The following USP1 variants were observed in gnomAD, a reference collection of about 807,000 sequenced individuals.
The protein encoded by USP1 is ubiquitin specific peptidase 1, also known as ubiquitin carboxyl-terminal hydrolase 1.
Under a neutral mutation model 72.2 loss-of-function variants are expected in USP1, and 18 were observed. The ratio of observed to expected loss-of-function variants is 0.25; its 90% CI spans 0.17 to 0.37. The LOEUF is 0.37. USP1 is among the 10% of genes least tolerant of loss of function. The pLI is 1.00. For missense variants in USP1, 759 were observed against 884.9 expected (o/e 0.86, Z 1.81); for synonymous variants, 354 against 303.7 (o/e 1.17, Z -1.72).
chr1:62,450,073 A>G (rs1645203238), intron 8 of USP1, among the ~76,000 whole-genome samples, 173 bp from the exon 9 acceptor site: 2 of 152,168 alleles, frequency 1.3e-5, no homozygotes, highest in Non-Finnish European at 2.9e-5. Context: ...TTGTTTCTGC[A>G]TATATTATAA....
At chr1:62,447,606 G>T in intron 7 of USP1, 95 bp downstream of exon 7, 1 of 1,373,434 alleles carries the variant, frequency 7.3e-7, no homozygotes. Context: ...ATTAGGGAGG[G>T]GAAAAAAGCT....
chr1:62,443,119 G>C (rs1255533102), intron 4 of USP1, 40 bp from the exon 5 acceptor site: 3 of 1,584,408 alleles, frequency 1.9e-6, no homozygotes, highest in African/African-American at 2.7e-5. Context: ...TACTTAATTT[G>C]TTCATAAAAT....
At chr1:62,442,419 G>A (rs777721990) in intron 4 of USP1, 120 bp downstream of exon 4, 20 of 701,464 alleles carry the variant, frequency 2.9e-5, no homozygotes, top group Non-Finnish European at 4.1e-5. Context: ...CTCTGTTAGC[G>A]AGCTATTGTC....
At chr1:62,439,391 G>A (rs1467968396) in intron 1 of USP1, among the ~76,000 whole-genome samples, 2 of 152,146 alleles carry the variant, frequency 1.3e-5, no homozygotes, top group Non-Finnish European at 2.9e-5. Flanking sequence ...CACCATGTTG[G>A]TCAGGCTGGT....
chr1:62,448,137 T>G (rs151013338), intron 7 of USP1, among the ~76,000 whole-genome samples: 182 of 152,284 alleles, frequency 1.2e-3, no homozygotes, highest in African/African-American at 4.0e-3. Context: ...GTCTAGAGCA[T>G]ACCACAAAAT....
chr1:62,438,882 A>G (rs939826538), intron 1 of USP1, among the ~76,000 whole-genome samples: 1 of 152,246 alleles, frequency 6.6e-6, no homozygotes. Context: ...GGATTTACAC[A>G]AAGTGCATCG....
At chr1:62,445,485 A>G (rs985643159) in intron 6 of USP1, 56 bp downstream of exon 6, 14 of 1,418,588 alleles carry the variant, frequency 9.9e-6, no homozygotes, top group Non-Finnish European at 1.3e-5. Flanking sequence ...ACAGAATTAG[A>G]ATTTTCTCTT....
At chr1:62,440,108 A>T (rs1645122122) in intron 2 of USP1, 71 bp downstream of exon 2, 1 of 1,313,704 alleles carries the variant, frequency 7.6e-7, no homozygotes, top group Admixed American at 2.9e-5. Context: ...TGACAACTCC[A>T]GTCTGACTTG....
intron 1 of USP1, among the ~76,000 whole-genome samples, 175 bp downstream of exon 1, chr1:62,437,575 C>T (rs958440055): frequency 2.0e-5 from 3 of 151,960 alleles, no homozygotes; most frequent in Non-Finnish European, 2.9e-5. Flanking sequence ...GCCGCCGGGA[C>T]GCGAGAAGGC....
At position 62,441,615 on chromosome 1, in the gene USP1, T is replaced by G; in HGVS notation, c.291+7T>G. On this transcript the variant is annotated splice_region_variant and intron_variant, in intron 3 of 8. Coordinates refer to ENST00000339950, the MANE Select transcript of USP1 (RefSeq NM_003368.5). The stretch of plus-strand genomic sequence containing the variant: ...TCTTAATAGTATACTTCAGGTAAAT[T>G]GACAATTTTGCTATATCATAAAGCT... The G allele has an allele frequency of 6.2e-7, 1 of 1,602,312 alleles. No homozygotes were observed. Among genetic ancestry groups the G allele is most frequent in the Non-Finnish European group, 8.5e-7 (1 of 1,176,652 alleles).
chr1:62,450,869 T>G lies in USP1; in HGVS notation c.2246T>G (p.Leu749Arg). The G allele has an allele frequency of 6.2e-7, 1 of 1,614,086 alleles. No individual in the cohort carries two copies. Among genetic ancestry groups the G allele is most frequent in the Non-Finnish European group, 8.5e-7 (1 of 1,179,984 alleles). The change falls in exon 9 of 9, where the codon CTT (leucine) becomes CGT (arginine). Residue 749 changes from leucine to arginine, a missense_variant. By Grantham distance (102) the Leu-to-Arg change is moderately radical. This residue lies in a region of USP1 where 7 missense variants were observed against 24.0 expected (regional missense o/e 0.29). Coordinates refer to ENST00000339950, the MANE Select transcript of USP1 (RefSeq NM_003368.5). ...SLKEYEGKWL[L>R]FDDSEVKVTE... is the part of the protein sequence containing the mutation. Reference sequence around the variant, plus strand: ...AAGGAGTATGAGGGGAAGTGGTTGCTTTTTGATGATTCTGAAGTCAAAGTT... The same window carrying G: ...AAGGAGTATGAGGGGAAGTGGTTGCGTTTTGATGATTCTGAAGTCAAAGTT...
In USP1 at chr1:62,447,000, G is replaced by A. The variant is rs181966185; in HGVS notation, c.1250-341G>A. On this transcript the variant is annotated intron_variant, in intron 6 of 8. Transcript: ENST00000339950. Reference sequence around the variant, plus strand: ...CGGCTAATTTTGTATTTTTACTGGAGACAGGGTTTCTCCATGTTGGTCAGG... The same window carrying A: ...CGGCTAATTTTGTATTTTTACTGGAAACAGGGTTTCTCCATGTTGGTCAGG... 3.3e-4 allele frequency among the ~76,000 whole-genome samples: 50 copies of A among 152,114 alleles called. 1 individual carries two copies. The highest frequency in any genetic ancestry group is 1.1e-3 in the African/African-American group (44 of 41,496).
Position 62,450,584 on chromosome 1 carries a change from C to G in USP1, c.1961C>G (p.Pro654Arg), listed in dbSNP as rs1289315638. ...VSIRVGGNTQ[P>R]SKVLNKKNVE... ...ATTAGAGTTGGTGGAAATACACAGCCAAGTAAAGTTTTGAACAAAAAAAAT... is the reference window on the plus strand; with the variant it reads ...ATTAGAGTTGGTGGAAATACACAGCGAAGTAAAGTTTTGAACAAAAAAAAT... Residue 654 changes from proline (P) to arginine (R), a missense_variant, in exon 9 of 9, where the codon CCA becomes CGA. Around this residue, in one of 9 missense-constraint regions of USP1, gnomAD observed 159 missense variants for 140.9 expected, o/e 1.13. Transcript: ENST00000339950. 1.2e-6 allele frequency: 2 copies of G among 1,613,646 alleles called. No homozygotes were observed. The highest frequency in any genetic ancestry group is 2.7e-5 in the African/African-American group (2 of 74,800).
In USP1 at chr1:62,442,189, T is replaced by C. The variant is rs1188175130; in HGVS notation, c.292-6T>C. The C allele has an allele frequency of 6.5e-7, 1 of 1,531,296 alleles. No individual in the cohort carries two copies. The highest frequency in any genetic ancestry group is 9.0e-7 in the Non-Finnish European group (1 of 1,116,386). 94.9% of individuals were successfully genotyped at this position (1,531,296 alleles called of 1,614,324 possible). ...TAAACACTTAAGACAATCTCACTTT[T>C]TATAGGTATTATATTTTTGTCCCGG... On this transcript the variant is annotated splice_polypyrimidine_tract_variant and splice_region_variant and intron_variant, in intron 3 of 8. Transcript: ENST00000339950.
intron 6 of USP1, 82 bp downstream of exon 6, chr1:62,445,511 A>G (rs962389801): frequency 3.9e-6 from 5 of 1,268,032 alleles, no homozygotes; most frequent in Admixed American, 3.2e-5. Flanking sequence ...ATACATGTAC[A>G]ATATAATCTC....
chr1:62,441,663 G>C, intron 3 of USP1, 55 bp downstream of exon 3: 1 of 1,541,380 alleles, frequency 6.5e-7, no homozygotes, highest in Non-Finnish European at 8.7e-7. Flanking sequence ...GATTGATGTA[G>C]CATTTAATGT....
At chr1:62,442,032 C>T (rs1411093185) in intron 3 of USP1, among the ~76,000 whole-genome samples, 163 bp from the exon 4 acceptor site, 1 of 152,106 alleles carries the variant, frequency 6.6e-6, no homozygotes, top group Non-Finnish European at 1.5e-5. Context: ...AGACACTGGG[C>T]TACTACTGAT....
rs199745345 is a variant in USP1 at position 62,445,988 on chromosome 1, AC to A, written c.1249+560del. Among the ~76,000 whole-genome samples the A allele has an allele frequency of 1.5e-3, 229 of 152,208 alleles. 4 individuals carry two copies. The East Asian group carries it at 0.042, about 28-fold the overall frequency. On this transcript the variant is annotated intron_variant, in intron 6 of 8. Transcript: ENST00000339950. Reference sequence around the variant, plus strand: ...GAGCAAGACTCCGTCTCAAAAAAAAACAAATAATAATAAAGTAGGGAAGTTC... The same window carrying A: ...GAGCAAGACTCCGTCTCAAAAAAAAAAAATAATAATAAAGTAGGGAAGTTC...
rs1056211511 is a variant in USP1, at chr1:62,447,569, A to G, written c.1420+58A>G. 5.2e-6 allele frequency: 8 copies of G among 1,547,252 alleles called. No homozygotes were observed. The African/African-American group carries it at 8.3e-5, about 16-fold the overall frequency. The stretch of plus-strand genomic sequence containing the variant: ...ATGGAATATTTATAATTCTTTAACA[A>G]CACAAAGTTTAATAGTAGCTGGTGT... On this transcript the variant is annotated intron_variant, in intron 7 of 8. Coordinates refer to ENST00000339950, the MANE Select transcript of USP1 (RefSeq NM_003368.5).
Sources: gnomAD v4.1 joint callset for allele counts (sites outside exome capture counted in the v4.1 genomes callset) on GRCh38, gnomAD v4.1.1 for gene constraint, gnomAD v4.1.1 regional missense constraint, MANE v1.5 for transcripts, NCBI Gene and HGNC (gene_info 2026-07-23, HGNC 2026-07-21) for gene names.